The following SUGCT variants were observed in gnomAD, a reference collection of about 807,000 sequenced individuals.
The protein encoded by SUGCT is succinyl-CoA:glutarate CoA-transferase.
A neutral mutation model predicts 55.0 loss-of-function variants in SUGCT; 41 were observed. That is an observed-to-expected ratio of 0.74 (90% confidence interval 0.58 to 0.97). The LOEUF (loss-of-function observed/expected upper bound fraction) is 0.97. SUGCT is among the 50% of genes least tolerant of loss of function. The probability of loss-of-function intolerance (pLI) is 0.00; values close to 1 mark genes in which losing one functional copy is unlikely to be tolerated. For missense variants in SUGCT, 568 were observed against 547.8 expected, an observed-to-expected ratio of 1.04 and a Z score of -0.37; for synonymous variants, 187 against 200.4, an observed-to-expected ratio of 0.93 and a Z score of 0.56.
At chr7:40,489,733 A>C (rs2024013) in intron 11 of SUGCT, among the ~76,000 whole-genome samples, 45,883 of 151,794 alleles carry the variant, frequency 0.3, 9,408 homozygotes, top group African/African-American at 0.58. Flanking sequence ...CAAAACAAAA[A>C]ACACACACAC....
At chr7:40,551,287 G>A (rs540493912) in intron 12 of SUGCT, among the ~76,000 whole-genome samples, 3 of 152,134 alleles carry the variant, frequency 2.0e-5, no homozygotes, top group South Asian at 2.1e-4. Context: ...GTTTAAGTAC[G>A]TTTCTGCTGA....
At chr7:40,600,903 G>A (rs368062624) in intron 12 of SUGCT, among the ~76,000 whole-genome samples, 1 of 152,098 alleles carries the variant, frequency 6.6e-6, no homozygotes, top group East Asian at 1.9e-4. Flanking sequence ...GGGCAGTTAA[G>A]TACTTTTTAA....
At chr7:40,885,390 C>T in the SUGCT span, among the ~76,000 whole-genome samples, 6 of 152,194 alleles carry the variant, frequency 3.9e-5, no homozygotes, top group East Asian at 9.7e-4. Flanking sequence ...AAAAATAAAA[C>T]GGGCCTATAT....
At chr7:40,805,963 T>C (rs1779084225) in intron 13 of SUGCT, among the ~76,000 whole-genome samples, 2 of 152,154 alleles carry the variant, frequency 1.3e-5, no homozygotes, top group Admixed American at 1.3e-4. Context: ...AAAGGCTCCT[T>C]GAAATAGTGC....
intron 12 of SUGCT, among the ~76,000 whole-genome samples, chr7:40,680,189 G>A (rs553177086): frequency 1.3e-5 from 2 of 152,240 alleles, no homozygotes; most frequent in East Asian, 3.9e-4. Flanking sequence ...AATAGAGCTT[G>A]TTTTTAACTT....
chr7:40,906,320 G>A, the SUGCT span, among the ~76,000 whole-genome samples: 1 of 152,102 alleles, frequency 6.6e-6, no homozygotes, highest in Non-Finnish European at 1.5e-5. Context: ...AAGGAGAAAA[G>A]CTTCATCCAA....
chr7:40,954,413 G>A, the SUGCT span, among the ~76,000 whole-genome samples: 1 of 152,194 alleles, frequency 6.6e-6, no homozygotes, highest in Non-Finnish European at 1.5e-5. Context: ...GTGAGGCGAT[G>A]CCTTGCCTTG....
At chr7:40,280,470 T>C (rs891225002) in intron 8 of SUGCT, among the ~76,000 whole-genome samples, 2 of 152,216 alleles carry the variant, frequency 1.3e-5, no homozygotes, top group African/African-American at 4.8e-5. Context: ...TGTACTTAAT[T>C]GCAACCAGGC....
chr7:40,258,533 C>A (rs557137185), intron 7 of SUGCT, among the ~76,000 whole-genome samples: 1 of 152,278 alleles, frequency 6.6e-6, no homozygotes, highest in Admixed American at 6.5e-5. Context: ...AGTGTGCAAC[C>A]ATCTCCAGCT....
intron 9 of SUGCT, among the ~76,000 whole-genome samples, chr7:40,443,153 T>C (rs1174297802): frequency 2.6e-5 from 4 of 152,236 alleles, no homozygotes; most frequent in African/African-American, 9.6e-5. Flanking sequence ...TCCAAGTCTT[T>C]GCTATTGTGA....
At position 40,604,648 on chromosome 7, in the gene SUGCT, A is replaced by T. The variant is rs183395262; in HGVS notation, c.1089+108262A>T. Among the ~76,000 whole-genome samples the T allele has an allele frequency of 8.6e-4, 131 of 152,264 alleles. 1 individual carries two copies. The highest frequency in any genetic ancestry group is 3.4e-3 in the Middle Eastern group (1 of 294). On this transcript the variant is annotated intron_variant, in intron 12 of 13. Coordinates refer to ENST00000335693, the MANE Select transcript of SUGCT (RefSeq NM_001193313.2). ...GGGCCTATTGAAAACCCCCACCTTG[A>T]TCGTCCCTTATTCACTTACAGAAAG...
At chr7:40,379,009 G>A (rs1305921192) in intron 9 of SUGCT, among the ~76,000 whole-genome samples, 9 of 152,084 alleles carry the variant, frequency 5.9e-5, no homozygotes, top group South Asian at 2.1e-4. Flanking sequence ...TTATCTTGGC[G>A]GGCCCTGAAT....
intron 9 of SUGCT, among the ~76,000 whole-genome samples, chr7:40,344,260 T>C (rs1797201788): frequency 6.6e-6 from 1 of 152,232 alleles, no homozygotes; most frequent in Admixed American, 6.5e-5. Flanking sequence ...TATCGTGGTA[T>C]TTTTAAGACT....
chr7:40,921,367 C>A, the SUGCT span, among the ~76,000 whole-genome samples: 3 of 152,134 alleles, frequency 2.0e-5, no homozygotes, highest in Non-Finnish European at 4.4e-5. Flanking sequence ...AGTTGCTGCA[C>A]TCCGCCAGGG....
chr7:40,609,501 A>G (rs2151767451), intron 12 of SUGCT, among the ~76,000 whole-genome samples: 1 of 150,638 alleles, frequency 6.6e-6, no homozygotes, highest in African/African-American at 2.4e-5. Context: ...TGGGAGGTGG[A>G]GCTTACAGTA....
intron 7 of SUGCT, 95 bp downstream of exon 7, chr7:40,237,821 T>A: frequency 1.0e-6 from 1 of 979,746 alleles, no homozygotes; most frequent in South Asian, 1.7e-5. Flanking sequence ...AATGAGTTGT[T>A]AGGTTGGGGC....
At chr7:40,712,546 A>G (rs1211491229) in intron 12 of SUGCT, among the ~76,000 whole-genome samples, 2 of 152,258 alleles carry the variant, frequency 1.3e-5, no homozygotes, top group African/African-American at 2.4e-5. Context: ...GTTTAGGATT[A>G]TATAAAATTT....
intron 12 of SUGCT, among the ~76,000 whole-genome samples, chr7:40,698,441 T>C (rs890472477): frequency 6.6e-6 from 1 of 152,170 alleles, no homozygotes; most frequent in Non-Finnish European, 1.5e-5. Flanking sequence ...GAGTGCAGGC[T>C]CAGGGCAGAG....
chr7:40,528,937 T>C (rs1731742994), intron 12 of SUGCT, among the ~76,000 whole-genome samples: 2 of 152,164 alleles, frequency 1.3e-5, no homozygotes, highest in Admixed American at 6.5e-5. Context: ...CCATGCTTTT[T>C]TGAGGTAGAA....
Sources: allele counts gnomAD v4.1 joint callset (sites outside exome capture counted in the v4.1 genomes callset), GRCh38; gene constraint gnomAD v4.1.1; transcripts MANE v1.5; gene names NCBI Gene and HGNC (gene_info 2026-07-23, HGNC 2026-07-21).